Variants in CEP70 observed in about 807,000 individuals in gnomAD.
CEP70 encodes the protein centrosomal protein 70.
CEP70 carries 70 observed loss-of-function variants against 90.9 expected under a neutral mutation model. That is an observed-to-expected ratio of 0.77 (90% CI 0.64 to 0.94). The LOEUF (loss-of-function observed/expected upper bound fraction) is 0.94. CEP70 is among the 40% of genes least tolerant of loss of function. The probability of loss-of-function intolerance (pLI) is 0.00; values close to 1 mark genes in which losing one functional copy is unlikely to be tolerated. For synonymous variants in CEP70, 220 were observed against 228.3 expected, an observed-to-expected ratio of 0.96 and a Z score of 0.33; for missense variants, 648 against 669.0, an observed-to-expected ratio of 0.97 and a Z score of 0.35.
intron 17 of CEP70, chr3:138,496,504 C>T (rs907085851): frequency 1.0e-6 from 1 of 985,310 alleles, no homozygotes; most frequent in African/African-American, 1.7e-5. Flanking sequence ...GAAATTACAC[C>T]TGTTTTCTCA....
At chr3:138,562,497 C>T (rs112572948) in intron 6 of CEP70, among the ~76,000 whole-genome samples, 3,876 of 152,342 alleles carry the variant, frequency 0.025, 67 homozygotes, top group Non-Finnish European at 0.039. Context: ...GCCCATCAGA[C>T]TAACACCAGA....
chr3:138,558,451 A>G (rs2040179012), intron 6 of CEP70, among the ~76,000 whole-genome samples: 1 of 152,228 alleles, frequency 6.6e-6, no homozygotes, highest in Admixed American at 6.5e-5. Context: ...GACACCTGAA[A>G]AGGTGTCAGA....
chr3:138,500,308 A>G (rs1576510543), intron 15 of CEP70, 84 bp from the exon 16 acceptor site: 5 of 1,507,980 alleles, frequency 3.3e-6, no homozygotes, highest in Admixed American at 2.1e-5. Context: ...AGTTATCCTC[A>G]ATTTTTCACT....
At chr3:138,587,602 A>G (rs1184564241) in intron 2 of CEP70, among the ~76,000 whole-genome samples, 1 of 132,284 alleles carries the variant, frequency 7.6e-6, no homozygotes, top group Non-Finnish European at 1.6e-5. Flanking sequence ...TGGGCAACAT[A>G]GCAAGACCCC....
At chr3:138,588,165 A>T (rs1029307360) in intron 2 of CEP70, among the ~76,000 whole-genome samples, 1 of 152,190 alleles carries the variant, frequency 6.6e-6, no homozygotes, top group African/African-American at 2.4e-5. Flanking sequence ...AAACACAGAA[A>T]AACTGTATGG....
In CEP70 at chr3:138,591,947, G is replaced by A; in HGVS notation, c.-99C>T. 9.9e-7 allele frequency: 1 copy of A among 1,014,354 alleles called. No homozygotes were observed. Among genetic ancestry groups the A allele is most frequent in the South Asian group, 1.7e-5 (1 of 57,192 alleles). 62.8% of individuals were successfully genotyped at this position (1,014,354 alleles called of 1,614,324 possible). ...CCCAACGAGTCTCATGTCTGAAACT[G>A]GATCTTCATCTAGGTTTCAAAAAGA... On this transcript the variant is annotated 5_prime_UTR_variant, in exon 2 of 18. An upstream open reading frame in the 5' UTR gains an earlier in-frame stop. Coordinates refer to ENST00000264982, the MANE Select transcript of CEP70 (RefSeq NM_024491.4).
chr3:138,581,492 T>C (rs1336377735), intron 2 of CEP70, among the ~76,000 whole-genome samples: 1 of 151,184 alleles, frequency 6.6e-6, no homozygotes, highest in Non-Finnish European at 1.5e-5. Context: ...TCACCTGTAG[T>C]CAGGAGTTCA....
chr3:138,500,793 A>G lies in CEP70; in HGVS notation c.1310T>C (p.Val437Ala), dbSNP rs756649782. ...KKQDENEGIKVEDLLFIVDTM... is the reference protein window; with the variant it reads ...KKQDENEGIKAEDLLFIVDTM... Reference sequence around the variant, plus strand: ...ATCTACTATAAACAACAAATCTTCAACTTTGATACCTTCATTTTCATCCTG... The same window carrying G: ...ATCTACTATAAACAACAAATCTTCAGCTTTGATACCTTCATTTTCATCCTG... Residue 437 changes from valine (V) to alanine (A), a missense_variant, in exon 14 of 18, where the codon GTT becomes GCT. By Grantham distance (64) the Val-to-Ala change is moderately conservative. Coordinates refer to ENST00000264982, the MANE Select transcript of CEP70 (RefSeq NM_024491.4). 2.3e-5 allele frequency: 37 copies of G among 1,605,660 alleles called. No individual in the cohort carries two copies. The highest frequency in any genetic ancestry group is 3.0e-5 in the Non-Finnish European group (35 of 1,174,676).
At chr3:138,526,025 T>C (rs187309913) in intron 10 of CEP70, among the ~76,000 whole-genome samples, 19 of 152,354 alleles carry the variant, frequency 1.2e-4, no homozygotes, top group African/African-American at 4.3e-4. Context: ...TTCCCATGTA[T>C]GTTTTTAAAT....
At chr3:138,513,738 T>C (rs1397294681) in intron 11 of CEP70, among the ~76,000 whole-genome samples, 1 of 152,236 alleles carries the variant, frequency 6.6e-6, no homozygotes, top group East Asian at 1.9e-4. Context: ...GATTTTGTTT[T>C]TCCCCTAGCA....
At chr3:138,548,036 T>C (rs1301271651) in intron 6 of CEP70, among the ~76,000 whole-genome samples, 2 of 152,126 alleles carry the variant, frequency 1.3e-5, no homozygotes, top group Non-Finnish European at 2.9e-5. Flanking sequence ...CAGGCCAACA[T>C]TATCCTGATA....
chr3:138,565,728 G>C (rs762275121), intron 6 of CEP70, among the ~76,000 whole-genome samples: 2 of 152,096 alleles, frequency 1.3e-5, no homozygotes, highest in Non-Finnish European at 2.9e-5. Flanking sequence ...ATCCCTAGAA[G>C]AAAACCTAGG....
intron 6 of CEP70, among the ~76,000 whole-genome samples, chr3:138,551,754 A>C (rs886276018): frequency 1.5e-5 from 2 of 136,826 alleles, no homozygotes; most frequent in African/African-American, 2.9e-5. Context: ...CTAAAAAAAA[A>C]AAAATAAAAT....
chr3:138,513,236 T>C (rs907629124), intron 11 of CEP70, among the ~76,000 whole-genome samples: 4 of 152,180 alleles, frequency 2.6e-5, no homozygotes, highest in Non-Finnish European at 5.9e-5. Flanking sequence ...CGCCACCTCC[T>C]TTCCTTCCTG....
intron 2 of CEP70, among the ~76,000 whole-genome samples, chr3:138,580,378 TC>T (rs1313401500): frequency 1.3e-5 from 2 of 152,104 alleles, no homozygotes; most frequent in African/African-American, 4.8e-5. Flanking sequence ...TGCCTGGTAA[TC>T]CAAAGAATTA....
intron 12 of CEP70, among the ~76,000 whole-genome samples, chr3:138,506,764 CAG>C (rs1553835789): frequency 6.6e-6 from 1 of 152,108 alleles, no homozygotes; most frequent in Non-Finnish European, 1.5e-5. Flanking sequence ...ATTTATTTGA[CAG>C]AGTCTCACTC....
chr3:138,571,367 A>C lies in CEP70; in HGVS notation c.70-11T>G, dbSNP rs768675819. 6.6e-7 allele frequency: 1 copy of C among 1,515,530 alleles called. No individual in the cohort carries two copies. Among genetic ancestry groups the C allele is most frequent in the Non-Finnish European group, 9.1e-7 (1 of 1,096,000 alleles). The allele number at this position is 1,515,530 out of a possible 1,614,324, so 93.9% of individuals were successfully genotyped here. On this transcript the variant is annotated splice_polypyrimidine_tract_variant and intron_variant, in intron 3 of 17. Coordinates refer to ENST00000264982, the MANE Select transcript of CEP70 (RefSeq NM_024491.4). ...TTCTGCTTCTTCCTGCTACAATTAC[A>C]GAAAGAGAAGAAAGGGTTAACTTTA...
chr3:138,554,078 G>A (rs2039819336), intron 6 of CEP70, among the ~76,000 whole-genome samples: 1 of 151,848 alleles, frequency 6.6e-6, no homozygotes, highest in South Asian at 2.1e-4. Context: ...GTGCATGCCT[G>A]TAATCCCAGC....
At chr3:138,545,213 C>T (rs2039091535) in intron 6 of CEP70, among the ~76,000 whole-genome samples, 1 of 152,124 alleles carries the variant, frequency 6.6e-6, no homozygotes, top group South Asian at 2.1e-4. Flanking sequence ...AATGGTGGGA[C>T]CAACTGGACC....
Sources: allele counts gnomAD v4.1 joint callset (sites outside exome capture counted in the v4.1 genomes callset), GRCh38; gene constraint gnomAD v4.1.1; transcripts MANE v1.5; gene names NCBI Gene and HGNC (gene_info 2026-07-23, HGNC 2026-07-21).